The following GAL3ST3 variants were observed in gnomAD, a reference collection of about 807,000 sequenced individuals.
GAL3ST3 encodes the protein galactose-3-O-sulfotransferase 3.
Under a neutral mutation model 20.8 loss-of-function variants are expected in GAL3ST3, and 21 were observed. The ratio of observed to expected loss-of-function variants is 1.01; its 90% CI spans 0.72 to 1.45. The LOEUF (loss-of-function observed/expected upper bound fraction) is 1.45, where lower values mean the gene tolerates loss of function less well. GAL3ST3 is among the 40% of genes most tolerant of loss of function. The pLI is 0.00. For missense variants in GAL3ST3, 739 were observed against 662.7 expected, an observed-to-expected ratio of 1.12 and a Z score of -1.26; for synonymous variants, 355 against 307.2, an observed-to-expected ratio of 1.16 and a Z score of -1.63.
chr11:66,044,086 G>C (rs143602984), intron 2 of GAL3ST3, among the ~76,000 whole-genome samples: 2 of 152,326 alleles, frequency 1.3e-5, no homozygotes, highest in African/African-American at 4.8e-5. Context: ...CTACCACTAA[G>C]TGGGAAAAGC....
In GAL3ST3 at chr11:66,042,501, C is replaced by T. The variant is rs376373263; in HGVS notation, c.*6G>A. 4.4e-5 allele frequency: 65 copies of T among 1,461,600 alleles called. No homozygotes were observed. The African/African-American group carries it at 6.6e-4, about 15-fold the overall frequency. The allele number at this position is 1,461,600 out of a possible 1,614,324, so 90.5% of individuals were successfully genotyped here. On this transcript the variant is annotated 3_prime_UTR_variant, in exon 3 of 3. Coordinates refer to ENST00000312006, the MANE Select transcript of GAL3ST3 (RefSeq NM_033036.3). ...CAGGACCCATACTCCTGGAGGCCTG[C>T]GGAGCTCAGGGACCTTGAGGGCCGC...
chr11:66,045,872 C>T (rs1372574744), intron 1 of GAL3ST3, among the ~76,000 whole-genome samples: 1 of 152,200 alleles, frequency 6.6e-6, no homozygotes, highest in African/African-American at 2.4e-5. Context: ...TGGCTCAGAA[C>T]ATAGAGGTCT....
intron 1 of GAL3ST3, among the ~76,000 whole-genome samples, chr11:66,047,019 T>C (rs1856789861): frequency 6.6e-6 from 1 of 152,186 alleles, no homozygotes; most frequent in Non-Finnish European, 1.5e-5. Context: ...TCTCTAGGCC[T>C]TATCGCTGCT....
In GAL3ST3 at chr11:66,042,600, G is replaced by C. The variant is rs933010969; in HGVS notation, c.1203C>G (p.Arg401=). 10 of 1,536,988 alleles carry C rather than the reference G, an allele frequency of 6.5e-6. No homozygotes were observed. The highest frequency in any genetic ancestry group is 5.5e-5 in the African/African-American group (4 of 73,212). The change falls in exon 3 of 3, where the codon CGC becomes CGG. Residue 401 remains arginine (R), a synonymous_variant. Coordinates refer to ENST00000312006, the MANE Select transcript of GAL3ST3 (RefSeq NM_033036.3). ...CGGGCCGAGCCCGCGCACCGCCCCGGCGCTTCTGCTTGCGCAACAGGTAGT... is the reference window on the plus strand; with the variant it reads ...CGGGCCGAGCCCGCGCACCGCCCCGCCGCTTCTGCTTGCGCAACAGGTAGT... ...YSNYLLRKQK[R]RGGARARPEP...
Position 66,042,603 on chromosome 11 carries a change from C to G in GAL3ST3, c.1200G>C (p.Lys400Asn), listed in dbSNP as rs1050030652. ...GCCGAGCCCGCGCACCGCCCCGGCG[C>G]TTCTGCTTGCGCAACAGGTAGTTCG... ...QYSNYLLRKQKRRGGARARPE... is the reference protein window; with the variant it reads ...QYSNYLLRKQNRRGGARARPE... The change falls in exon 3 of 3, where the codon AAG becomes AAC. Residue 400 changes from lysine (K) to asparagine (N), a missense_variant. Physicochemically the swap from Lys to Asn is moderately conservative, Grantham distance 94 (BLOSUM62 0). Transcript: ENST00000312006. The G allele has an allele frequency of 2.6e-6, 4 of 1,536,992 alleles. No homozygotes were observed. The highest frequency in any genetic ancestry group is 2.6e-6 in the Non-Finnish European group (3 of 1,147,468).
At chr11:66,044,202 G>C (rs1856756552) in intron 2 of GAL3ST3, among the ~76,000 whole-genome samples, 1 of 152,160 alleles carries the variant, frequency 6.6e-6, no homozygotes, top group Admixed American at 6.5e-5. Context: ...TCAAGCCTTC[G>C]GATGAGACTG....
rs1399023932 is a variant in GAL3ST3 at position 66,043,689 on chromosome 11, A to G, written c.126-12T>C. 3 of 1,589,878 alleles carry G rather than the reference A, an allele frequency of 1.9e-6. No homozygotes were observed. In the South Asian group the frequency reaches 3.4e-5, roughly 18 times the overall value. ...ACAGCTTGGGGTACCTGCCAGGCCCAGGGAGTGTGCGGAGAGGAGGGTGTG... is the reference window on the plus strand; with the variant it reads ...ACAGCTTGGGGTACCTGCCAGGCCCGGGGAGTGTGCGGAGAGGAGGGTGTG... On this transcript the variant is annotated splice_polypyrimidine_tract_variant and intron_variant, in intron 2 of 2. Transcript: ENST00000312006.
chr11:66,043,518 G>A lies in GAL3ST3; in HGVS notation c.285C>T (p.Ala95=). ...GGTGCTCGCAGCTCGGGTGCGGCAG[G>A]GCCACCGTCAGGTTGTGGCGCTCGG... ...RFAERHNLTV[A]LPHPSCEHQF... The change falls in exon 3 of 3, where the codon GCC becomes GCT. Residue 95 remains alanine (A), a synonymous_variant. Transcript: ENST00000312006. 1 of 1,610,708 alleles carries A rather than the reference G, an allele frequency of 6.2e-7. No individual in the cohort carries two copies. The highest frequency in any genetic ancestry group is 2.2e-5 in the East Asian group (1 of 44,828).
Position 66,043,425 on chromosome 11 carries a change from C to G in GAL3ST3, c.378G>C (p.Leu126=). ...VHPATRPPHV[L]ASHLRFDRAE... ...CACGGTCGAAGCGCAGGTGGCTGGC[C>G]AGCACGTGCGGCGGCCGCGTGGCCG... Residue 126 remains leucine (L), a synonymous_variant, in exon 3 of 3, where the codon CTG becomes CTC. Transcript: ENST00000312006. The G allele has an allele frequency of 6.2e-7, 1 of 1,609,448 alleles. No homozygotes were observed. The highest frequency in any genetic ancestry group is 8.5e-7 in the Non-Finnish European group (1 of 1,178,238).
intron 1 of GAL3ST3, among the ~76,000 whole-genome samples, chr11:66,046,604 G>A (rs1186334712): frequency 1.3e-5 from 2 of 152,184 alleles, no homozygotes; most frequent in Non-Finnish European, 2.9e-5. Flanking sequence ...GTAAGAGAGG[G>A]GAGGAGGGCT....
chr11:66,043,239 C>G lies in GAL3ST3; in HGVS notation c.564G>C (p.Glu188Asp), dbSNP rs752201592. ...AGTGCTCGCCAGCGCGGTAGTATGC[C>G]TCGGGCGCGCGCAGGAAGGCCTCGA... Reference protein sequence around the residue: ...ASLEAFLRAPEAYYRAGEHFA... With the variant: ...ASLEAFLRAPDAYYRAGEHFA... Residue 188 changes from glutamate (E) to aspartate (D), a missense_variant, in exon 3 of 3, where the codon GAG becomes GAC. Transcript: ENST00000312006. 4.3e-6 allele frequency: 7 copies of G among 1,612,254 alleles called. No homozygotes were observed. The African/African-American group carries it at 9.3e-5, about 22-fold the overall frequency.
intron 1 of GAL3ST3, among the ~76,000 whole-genome samples, chr11:66,047,101 A>AC (rs768774790): frequency 2.6e-5 from 4 of 152,200 alleles, no homozygotes; most frequent in Non-Finnish European, 5.9e-5. Flanking sequence ...ACAGAGGGTA[A>AC]CCAAGGGCAC....
chr11:66,042,288 C>T lies in GAL3ST3; in HGVS notation c.*219G>A. 4.0e-6 allele frequency: 2 copies of T among 502,626 alleles called. No individual in the cohort carries two copies. The highest frequency in any genetic ancestry group is 6.6e-5 in the South Asian group (2 of 30,462). 31.1% of individuals were successfully genotyped at this position (502,626 alleles called of 1,614,324 possible). A position where few individuals can be genotyped will look rare whatever the true frequency, so the allele number is the denominator to read the frequency against. On this transcript the variant is annotated 3_prime_UTR_variant, in exon 3 of 3. Coordinates refer to ENST00000312006, the MANE Select transcript of GAL3ST3 (RefSeq NM_033036.3). ...AACCAGCTGGGAAGGAGAGGGTGGC[C>T]CAGCGCTGGATCCAGCCTATCAGCG...
rs778045473 is a variant in GAL3ST3 at position 66,045,380 on chromosome 11, G to C, written c.36C>G (p.Thr12=). Residue 12 remains threonine (T), a synonymous_variant, in exon 2 of 3, where the codon ACC becomes ACG. Transcript: ENST00000312006. ...GGATTTTCCGGCGGCTCATCATCTT[G>C]GTGGCCTGCTGCAGGCGCTGGAGGA... The part of the protein sequence containing the change: ...PPILQRLQQA[T]KMMSRRKILL... 7 of 1,605,090 alleles carry C rather than the reference G, an allele frequency of 4.4e-6. No individual in the cohort carries two copies. In the East Asian group the frequency reaches 1.1e-4, roughly 26 times the overall value.
rs2135021832 is a variant in GAL3ST3, at chr11:66,045,390, T to A, written c.26A>T (p.Gln9Leu). 3 of 1,603,470 alleles carry A rather than the reference T, an allele frequency of 1.9e-6. No individual in the cohort carries two copies. Among genetic ancestry groups the A allele is most frequent in the Non-Finnish European group, 2.6e-6 (3 of 1,174,596 alleles). ...GCGGCTCATCATCTTGGTGGCCTGC[T>A]GCAGGCGCTGGAGGATGGGTGGCAT... MPPILQRL[Q>L]QATKMMSRRK... is the part of the protein sequence containing the mutation. Residue 9 changes from glutamine to leucine, a missense_variant, in exon 2 of 3, where the codon CAG becomes CTG. Gln to Leu is a moderately radical substitution (Grantham distance 113). Coordinates refer to ENST00000312006, the MANE Select transcript of GAL3ST3 (RefSeq NM_033036.3).
rs1455121859 is a variant in GAL3ST3, at chr11:66,041,293, T to C, written c.*1214A>G. 6.6e-6 allele frequency among the ~76,000 whole-genome samples: 1 copy of C among 152,176 alleles called. No homozygotes were observed. The highest frequency in any genetic ancestry group is 1.5e-5 in the Non-Finnish European group (1 of 68,034). On this transcript the variant is annotated 3_prime_UTR_variant, in exon 3 of 3. Coordinates refer to ENST00000312006, the MANE Select transcript of GAL3ST3 (RefSeq NM_033036.3). The stretch of plus-strand genomic sequence containing the variant: ...ACACCGTAGACCATAATAGCTATTG[T>C]TTTTTATCACTTGTCCAGATACGTC...
chr11:66,043,799 A>G, intron 2 of GAL3ST3, 122 bp from the exon 3 acceptor site: 1 of 853,516 alleles, frequency 1.2e-6, no homozygotes, highest in Non-Finnish European at 1.8e-6. Flanking sequence ...CACTCATGGA[A>G]AGGTCGAGGG....
intron 1 of GAL3ST3, among the ~76,000 whole-genome samples, chr11:66,047,758 C>T (rs1054982708): frequency 6.6e-6 from 1 of 152,210 alleles, no homozygotes; most frequent in East Asian, 1.9e-4. Context: ...GCACCTGCTT[C>T]GGCCTGCCCC....
chr11:66,042,294 C>G lies in GAL3ST3; in HGVS notation c.*213G>C. 1.9e-6 allele frequency: 1 copy of G among 516,664 alleles called. No individual in the cohort carries two copies. Among genetic ancestry groups the G allele is most frequent in the Non-Finnish European group, 3.4e-6 (1 of 297,824 alleles). 32.0% of individuals were successfully genotyped at this position (516,664 alleles called of 1,614,324 possible). On this transcript the variant is annotated 3_prime_UTR_variant, in exon 3 of 3. Transcript: ENST00000312006. Reference sequence around the variant, plus strand: ...CTGGGAAGGAGAGGGTGGCCCAGCGCTGGATCCAGCCTATCAGCGCCGTGC... The same window carrying G: ...CTGGGAAGGAGAGGGTGGCCCAGCGGTGGATCCAGCCTATCAGCGCCGTGC...
Sources: gnomAD v4.1 joint callset for allele counts (sites outside exome capture counted in the v4.1 genomes callset) on GRCh38, gnomAD v4.1.1 for gene constraint, MANE v1.5 for transcripts, NCBI Gene and HGNC (gene_info 2026-07-23, HGNC 2026-07-21) for gene names.